Variants in MAP3K3 observed in about 807,000 individuals in gnomAD.
MAP3K3 encodes the protein MAP/ERK kinase kinase 3.
MAP3K3 carries 12 observed loss-of-function variants against 80.9 expected under a neutral mutation model. The ratio of observed to expected loss-of-function variants is 0.15; its 90% confidence interval spans 0.10 to 0.24. MAP3K3 has a LOEUF of 0.24. Ranked by LOEUF, MAP3K3 falls within the 10% of genes least tolerant of loss-of-function variation. MAP3K3 has a pLI of 1.00. For synonymous variants in MAP3K3, 272 were observed against 307.1 expected (o/e 0.89, Z 1.19); for missense variants, 596 against 834.7 (o/e 0.71, Z 3.52).
In MAP3K3 at chr17:63,640,615, T is replaced by G. The variant is rs142382919; in HGVS notation, c.127-5419T>G. The stretch of plus-strand genomic sequence containing the variant: ...TGGTCTTTCTTTATTCTACTTATTG[T>G]GAATATTCATACTTTTCATTGCAAA... On this transcript the variant is annotated intron_variant, in intron 2 of 15. Transcript: ENST00000361733. Among the ~76,000 whole-genome samples, 1,130 of 152,320 alleles carry G rather than the reference T, an allele frequency of 7.4e-3. 8 individuals are homozygous for G. The highest frequency in any genetic ancestry group is 0.012 in the Non-Finnish European group (785 of 68,016).
chr17:63,624,442 A>G (rs148683780), intron 1 of MAP3K3, among the ~76,000 whole-genome samples: 141 of 152,300 alleles, frequency 9.3e-4, no homozygotes, highest in Middle Eastern at 6.8e-3. Context: ...ACATGTGTTG[A>G]CTACATCTCA....
chr17:63,674,070 A>C, intron 6 of MAP3K3, among the ~76,000 whole-genome samples: 2 of 146,694 alleles, frequency 1.4e-5, no homozygotes, highest in East Asian at 2.0e-4. Flanking sequence ...ACAGAGTGAG[A>C]CTCTGTCTCA....
rs375871340 is a variant in MAP3K3 at position 63,691,072 on chromosome 17, A to T, written c.1213-30A>T. ...AGGCGGGCAGAACTAGGGCCCTGAG[A>T]GCTGAGGCGACCACTGACCCCTCCC... is the stretch of plus-strand genomic sequence containing the variant. On this transcript the variant is annotated intron_variant, in intron 12 of 15. Transcript: ENST00000361733. The surrounding 1 kb of genome is among the most constrained non-coding windows in gnomAD (Gnocchi z 4.8). The T allele has an allele frequency of 3.9e-5, 63 of 1,612,906 alleles. No homozygotes were observed. Among genetic ancestry groups the T allele is most frequent in the East Asian group, 2.9e-4 (13 of 44,836 alleles).
chr17:63,645,581 G>A (rs2034525752), intron 2 of MAP3K3, among the ~76,000 whole-genome samples: 1 of 152,176 alleles, frequency 6.6e-6, no homozygotes, highest in Non-Finnish European at 1.5e-5. Context: ...CTCTACAGAT[G>A]GAAAAACTAA....
chr17:63,688,687 T>A (rs982340901), intron 9 of MAP3K3, 93 bp downstream of exon 9: 1 of 1,430,758 alleles, frequency 7.0e-7, no homozygotes, highest in African/African-American at 1.4e-5. Flanking sequence ...GTAGCTCTCC[T>A]TGGGCTTGCT....
chr17:63,667,198 AT>A, intron 6 of MAP3K3, 138 bp downstream of exon 6: 1 of 951,256 alleles, frequency 1.1e-6, no homozygotes, highest in Non-Finnish European at 1.5e-6. Context: ...TTATGCCTTT[AT>A]TTTATTTAGA....
chr17:63,691,934 C>A lies in MAP3K3; in HGVS notation c.1474+72C>A. On this transcript the variant is annotated intron_variant, in intron 14 of 15. Transcript: ENST00000361733. The surrounding 1 kb of genome is among the most constrained non-coding windows in gnomAD (Gnocchi z 4.8). ...TCTACCATTGAGTGCCTGCAGGGGC[C>A]AATCACTTAACCATTCTGAACTTTC... 6.6e-7 allele frequency: 1 copy of A among 1,519,146 alleles called. No individual in the cohort carries two copies. The highest frequency in any genetic ancestry group is 9.1e-7 in the Non-Finnish European group (1 of 1,103,928). The allele number at this position is 1,519,146 out of a possible 1,614,324, so 94.1% of individuals were successfully genotyped here. A position where few individuals can be genotyped will look rare whatever the true frequency, so the allele number is the denominator to read the frequency against.
chr17:63,681,907 T>TA lies in MAP3K3; in HGVS notation c.636+9dup. On this transcript the variant is annotated intron_variant, in intron 7 of 15. Transcript: ENST00000361733. Reference sequence around the variant, plus strand: ...GAGACCAGCGAGCAGTGCGTGAGTATAGGGGGGCTGGGATATGCCTGTGGC... The same window carrying TA: ...GAGACCAGCGAGCAGTGCGTGAGTATAAGGGGGGCTGGGATATGCCTGTGGC... 7.1e-7 allele frequency: 1 copy of TA among 1,406,564 alleles called. No homozygotes were observed. Among genetic ancestry groups the TA allele is most frequent in the African/African-American group, 1.5e-5 (1 of 68,590 alleles). The allele number at this position is 1,406,564 out of a possible 1,614,324, so 87.1% of individuals were successfully genotyped here.
chr17:63,629,857 C>T (rs1025114526), intron 1 of MAP3K3, among the ~76,000 whole-genome samples: 6 of 152,178 alleles, frequency 3.9e-5, no homozygotes, highest in African/African-American at 1.4e-4. Flanking sequence ...GGTTAGCTTC[C>T]TGGAAACAGA....
chr17:63,667,701 G>A (rs1466787525), intron 6 of MAP3K3, among the ~76,000 whole-genome samples: 1 of 151,912 alleles, frequency 6.6e-6, no homozygotes, highest in Admixed American at 6.6e-5. Flanking sequence ...AATCATCTCC[G>A]GGTTATTTAT....
intron 3 of MAP3K3, among the ~76,000 whole-genome samples, chr17:63,649,258 G>C (rs955640576): frequency 6.6e-6 from 1 of 151,958 alleles, no homozygotes; most frequent in Non-Finnish European, 1.5e-5. Flanking sequence ...CCAACATGGT[G>C]AAACCCTGTC....
At chr17:63,687,549 G>C (rs2035481417) in intron 8 of MAP3K3, among the ~76,000 whole-genome samples, 1 of 151,844 alleles carries the variant, frequency 6.6e-6, no homozygotes, top group Non-Finnish European at 1.5e-5. Context: ...AATTAGCTGG[G>C]CATGGTGGCA....
At position 63,672,712 on chromosome 17, in the gene MAP3K3, A is replaced by C. The variant is rs1160692402; in HGVS notation, c.502+5652A>C. On this transcript the variant is annotated intron_variant, in intron 6 of 15. Transcript: ENST00000361733. ...TTAGAAGAGGATGAGCCTGTGAAGGACACAGAAAAGGAGTAACCAGAGAAG... is the reference window on the plus strand; with the variant it reads ...TTAGAAGAGGATGAGCCTGTGAAGGCCACAGAAAAGGAGTAACCAGAGAAG... 3.9e-5 allele frequency: 6 copies of C among 152,402 alleles called. No individual in the cohort carries two copies. The East Asian group carries it at 1.2e-3, about 29-fold the overall frequency. 9.4% of individuals were successfully genotyped at this position (152,402 alleles called of 1,614,324 possible).
chr17:63,694,422 C>G lies in MAP3K3; in HGVS notation c.*645C>G, dbSNP rs1208152469. The G allele has an allele frequency of 6.5e-6, 1 of 152,704 alleles. No homozygotes were observed. The highest frequency in any genetic ancestry group is 1.5e-5 in the Non-Finnish European group (1 of 68,084). The allele number at this position is 152,704 out of a possible 1,614,324, so 9.5% of individuals were successfully genotyped here. ...GCCTGTGGCCATGACCCTGCCTCTC[C>G]CAGGCAGGGGCCCGCGATGTGGAAC... On this transcript the variant is annotated 3_prime_UTR_variant, in exon 16 of 16. Transcript: ENST00000361733.
At chr17:63,644,383 T>G (rs1051426352) in intron 2 of MAP3K3, among the ~76,000 whole-genome samples, 5 of 152,064 alleles carry the variant, frequency 3.3e-5, no homozygotes, top group African/African-American at 4.8e-5. Context: ...CACGGCACAC[T>G]TTTTGTATTT....
chr17:63,637,040 T>C (rs1183641310), intron 2 of MAP3K3: 1 of 536,288 alleles, frequency 1.9e-6, no homozygotes, highest in African/African-American at 2.0e-5. Context: ...GGGGACAAAC[T>C]TTCTGGAAGA....
intron 6 of MAP3K3, among the ~76,000 whole-genome samples, chr17:63,678,776 T>C (rs894607854): frequency 2.6e-5 from 4 of 152,206 alleles, no homozygotes; most frequent in African/African-American, 7.2e-5. Flanking sequence ...ACGCCTGTAA[T>C]CCCAGCACTT....
In MAP3K3 at chr17:63,692,356, C is replaced by G. The variant is rs750413926; in HGVS notation, c.1589C>G (p.Thr530Arg). The G allele has an allele frequency of 6.2e-7, 1 of 1,613,974 alleles. No homozygotes were observed. Among genetic ancestry groups the G allele is most frequent in the Non-Finnish European group, 8.5e-7 (1 of 1,180,030 alleles). ...ACGGGCATGCGCTCCGTCACTGGCA[C>G]ACCCTACTGGATGAGCCCTGAGGTG... ...SGTGMRSVTG[T>R]PYWMSPEVIS... Residue 530 changes from threonine to arginine, a missense_variant, in exon 15 of 16, where the codon ACA (threonine) becomes AGA (arginine). This residue lies in a region of MAP3K3 where 364 missense variants were observed against 588.9 expected (regional missense o/e 0.62). Transcript: ENST00000361733. The surrounding 1 kb of genome is among the most constrained non-coding windows in gnomAD (Gnocchi z 4.5).
chr17:63,688,945 G>C, intron 10 of MAP3K3, 64 bp downstream of exon 10: 2 of 1,267,088 alleles, frequency 1.6e-6, no homozygotes, highest in Admixed American at 1.7e-5. Flanking sequence ...CCATGGGGAG[G>C]GTGGGTTCGT....
Sources: gnomAD v4.1 joint callset for allele counts (sites outside exome capture counted in the v4.1 genomes callset) on GRCh38, gnomAD v4.1.1 for gene constraint, gnomAD v4.1.1 regional missense constraint, Gnocchi (gnomAD v3.1) non-coding constraint, MANE v1.5 for transcripts, NCBI Gene and HGNC (gene_info 2026-07-23, HGNC 2026-07-21) for gene names.